Variants in OR6C6 observed in about 807,000 individuals in gnomAD.
OR6C6 encodes the protein olfactory receptor 6C6.
For synonymous variants in OR6C6, 140 were observed against 135.2 expected (o/e 1.04, Z -0.25); for missense variants, 411 against 366.8 (o/e 1.12, Z -0.98).
rs1276465344 is a variant in OR6C6 at position 55,296,408 on chromosome 12, C to T, written c.-115G>A. 6.6e-6 allele frequency: 1 copy of T among 151,906 alleles called. No homozygotes were observed. Among genetic ancestry groups the T allele is most frequent in the Non-Finnish European group, 1.5e-5 (1 of 67,888 alleles). 9.4% of individuals were successfully genotyped at this position (151,906 alleles called of 1,614,324 possible). A position where few individuals can be genotyped will look rare whatever the true frequency, so the allele number is the denominator to read the frequency against. ...GTGACAATTCTACTCATTTTATGAC[C>T]ACATTTTATTATCCAATAGGCACAT... On this transcript the variant is annotated 5_prime_UTR_variant, in exon 1 of 2. It introduces an in-frame stop codon into an upstream open reading frame of the 5' UTR. Coordinates refer to ENST00000358433, the MANE Select transcript of OR6C6 (RefSeq NM_001005493.2).
At position 55,296,564 on chromosome 12, in the gene OR6C6, T is replaced by G. The variant is rs1486643212; in HGVS notation, c.-271A>C. 1.3e-5 allele frequency: 2 copies of G among 152,018 alleles called. No individual in the cohort carries two copies. The highest frequency in any genetic ancestry group is 4.8e-5 in the African/African-American group (2 of 41,430). The allele number at this position is 152,018 out of a possible 1,614,324, so 9.4% of individuals were successfully genotyped here. A position where few individuals can be genotyped will look rare whatever the true frequency, so the allele number is the denominator to read the frequency against. Reference sequence around the variant, plus strand: ...CAGATATTAATAATTTTAATGGACATCTATCTTTCATTCCAAGTAACTTAA... The same window carrying G: ...CAGATATTAATAATTTTAATGGACAGCTATCTTTCATTCCAAGTAACTTAA... On this transcript the variant is annotated 5_prime_UTR_variant, in exon 1 of 2. An upstream start codon of the reference 5' UTR is lost. Coordinates refer to ENST00000358433, the MANE Select transcript of OR6C6 (RefSeq NM_001005493.2).
chr12:55,295,517 A>G (rs959243340), intron 1 of OR6C6, among the ~76,000 whole-genome samples: 4 of 152,022 alleles, frequency 2.6e-5, no homozygotes, highest in Non-Finnish European at 5.9e-5. Flanking sequence ...TTAGCTTATC[A>G]CTGTCAGATG....
At position 55,294,165 on chromosome 12, in the gene OR6C6, C is replaced by T. The variant is rs1954569602; in HGVS notation, c.*123G>A. 11 of 612,488 alleles carry T rather than the reference C, an allele frequency of 1.8e-5. No homozygotes were observed. The highest frequency in any genetic ancestry group is 2.9e-5 in the Non-Finnish European group (10 of 346,972). The allele number at this position is 612,488 out of a possible 1,614,324, so 37.9% of individuals were successfully genotyped here. ...TTCACCATGTTGGCCAGGCTGGTCT[C>T]GAACTCCTGACCTCAGGTAACCACC... On this transcript the variant is annotated 3_prime_UTR_variant, in exon 2 of 2. Coordinates refer to ENST00000358433, the MANE Select transcript of OR6C6 (RefSeq NM_001005493.2).
chr12:55,296,508 C>G lies in OR6C6; in HGVS notation c.-215G>C, dbSNP rs1159692884. 6.6e-6 allele frequency: 1 copy of G among 151,974 alleles called. No homozygotes were observed. The highest frequency in any genetic ancestry group is 2.4e-5 in the African/African-American group (1 of 41,418). 9.4% of individuals were successfully genotyped at this position (151,974 alleles called of 1,614,324 possible). On this transcript the variant is annotated 5_prime_UTR_variant, in exon 1 of 2. Coordinates refer to ENST00000358433, the MANE Select transcript of OR6C6 (RefSeq NM_001005493.2). ...TCTGTAGAGAATTTCCACATTTCCT[C>G]AACTTCATCCTCACTATAAAGATTG...
rs1326639509 is a variant in OR6C6 at position 55,294,602 on chromosome 12, A to G, written c.631T>C (p.Leu211=). Residue 211 remains leucine (L), a synonymous_variant, in exon 2 of 2, where the codon TTA becomes CTA. Coordinates refer to ENST00000358433, the MANE Select transcript of OR6C6 (RefSeq NM_001005493.2). ...AVVTLVVTLV[L]VILSYTCIIK... ...ATGCAAGTGTAAGAGAGAATCACTAATACCAGTGTGACCACAAGTGTCACC... is the reference window on the plus strand; with the variant it reads ...ATGCAAGTGTAAGAGAGAATCACTAGTACCAGTGTGACCACAAGTGTCACC... 1 of 1,614,122 alleles carries G rather than the reference A, an allele frequency of 6.2e-7. No individual in the cohort carries two copies. Among genetic ancestry groups the G allele is most frequent in the Admixed American group, 1.7e-5 (1 of 59,998 alleles).
At chr12:55,295,976 G>A (rs957998605) in intron 1 of OR6C6, among the ~76,000 whole-genome samples, 1 of 151,620 alleles carries the variant, frequency 6.6e-6, no homozygotes, top group African/African-American at 2.4e-5. Flanking sequence ...CATAATTTCG[G>A]CTATTTTTTA....
rs1203248150 is a variant in OR6C6, at chr12:55,294,550, G to T, written c.683C>A (p.Ser228Tyr). 2 of 1,613,900 alleles carry T rather than the reference G, an allele frequency of 1.2e-6. No individual in the cohort carries two copies. Among genetic ancestry groups the T allele is most frequent in the Non-Finnish European group, 1.7e-6 (2 of 1,179,954 alleles). The change falls in exon 2 of 2, where the codon TCT (serine) becomes TAT (tyrosine). Residue 228 changes from serine (S) to tyrosine (Y), a missense_variant. Transcript: ENST00000358433. Reference sequence around the variant, plus strand: ...AAATGCTTTGTTCCTTTGCTGTGCAGAAGAGAATTTCAGAATGGTCTTAAT... The same window carrying T: ...AAATGCTTTGTTCCTTTGCTGTGCATAAGAGAATTTCAGAATGGTCTTAAT... ...CIIKTILKFS[S>Y]AQQRNKAFST...
chr12:55,295,293 AT>A, intron 1 of OR6C6, 36 bp from the exon 2 acceptor site: 4 of 806,324 alleles, frequency 5.0e-6, no homozygotes, highest in Non-Finnish European at 7.8e-6. Context: ...TTATACATAT[AT>A]ATACATATAT....
chr12:55,296,398 A>C lies in OR6C6; in HGVS notation c.-105T>G, dbSNP rs151272524. The stretch of plus-strand genomic sequence containing the variant: ...AACATAATTAGTGACAATTCTACTC[A>C]TTTTATGACCACATTTTATTATCCA... On this transcript the variant is annotated 5_prime_UTR_variant, in exon 1 of 2. An upstream start codon of the reference 5' UTR is lost. Transcript: ENST00000358433. The C allele has an allele frequency of 2.6e-5, 4 of 152,086 alleles. No homozygotes were observed. Among genetic ancestry groups the C allele is most frequent in the Non-Finnish European group, 5.9e-5 (4 of 67,922 alleles). The allele number at this position is 152,086 out of a possible 1,614,324, so 9.4% of individuals were successfully genotyped here. A position where few individuals can be genotyped will look rare whatever the true frequency, so the allele number is the denominator to read the frequency against.
In OR6C6 at chr12:55,295,122, CAGGCTCAAG is replaced by C; in HGVS notation, c.102_110del (p.Leu35_Leu37del). On this transcript the variant is annotated inframe_deletion, in exon 2 of 2. Transcript: ENST00000358433. Reference sequence around the variant, plus strand: ...GGATGATGATGATTAAGTTCCCCATCAGGCTCAAGGTGTAGTTGAGAAATAGAAACAGGA... The same window carrying C: ...GGATGATGATGATTAAGTTCCCCATCGTGTAGTTGAGAAATAGAAACAGGA... 1 of 1,613,896 alleles carries C rather than the reference CAGGCTCAAG, an allele frequency of 6.2e-7. No homozygotes were observed. Among genetic ancestry groups the C allele is most frequent in the African/African-American group, 1.3e-5 (1 of 75,030 alleles).
In OR6C6 at chr12:55,294,648, C is replaced by T; in HGVS notation, c.585G>A (p.Leu195=). ...ISCTDTHVLE[L]MSFTLAVVTL... ...TCACCACAGCTAAGGTAAAAGACAT[C>T]AATTCTAGGACATGGGTATCTGTGC... is the stretch of plus-strand genomic sequence containing the variant. Residue 195 remains leucine (L), a synonymous_variant, in exon 2 of 2, where the codon TTG becomes TTA. Coordinates refer to ENST00000358433, the MANE Select transcript of OR6C6 (RefSeq NM_001005493.2). The T allele has an allele frequency of 6.2e-7, 1 of 1,613,940 alleles. No individual in the cohort carries two copies. Among genetic ancestry groups the T allele is most frequent in the East Asian group, 2.2e-5 (1 of 44,862 alleles).
Position 55,294,404 on chromosome 12 carries a change from T to C in OR6C6, c.829A>G (p.Thr277Ala). 9 of 1,613,236 alleles carry C rather than the reference T, an allele frequency of 5.6e-6. No homozygotes were observed. The highest frequency in any genetic ancestry group is 6.8e-6 in the Non-Finnish European group (8 of 1,179,232). The change falls in exon 2 of 2, where the codon ACC (threonine) becomes GCC (alanine). Residue 277 changes from threonine (T) to alanine (A), a missense_variant. By Grantham distance (58) the Thr-to-Ala change is moderately conservative. Transcript: ENST00000358433. ...TVSKGVALLY[T>A]SIAPLLNPFI... ...GGATTTAGTAAAGGGGCAATTGAGG[T>C]ATAGAGCAAAGCTACACCTTTGGAT...
chr12:55,296,044 T>A (rs912030944), intron 1 of OR6C6, among the ~76,000 whole-genome samples: 1 of 144,730 alleles, frequency 6.9e-6, no homozygotes, highest in Non-Finnish European at 1.5e-5. Flanking sequence ...TTACTTTCTA[T>A]CCTTTCTACA....
At position 55,294,901 on chromosome 12, in the gene OR6C6, T is replaced by C. The variant is rs760280603; in HGVS notation, c.332A>G (p.Tyr111Cys). The C allele has an allele frequency of 6.2e-7, 1 of 1,613,944 alleles. No individual in the cohort carries two copies. Among genetic ancestry groups the C allele is most frequent in the South Asian group, 1.1e-5 (1 of 91,070 alleles). Reference protein sequence around the residue: ...FILLPGVTEFYLLAAMSYDRY... With the variant: ...FILLPGVTEFCLLAAMSYDRY... ...GTCATAGGACATGGCAGCCAGGAGG[T>C]AAAACTCAGTAACTCCCGGTAAAAG... Residue 111 changes from tyrosine (Y) to cysteine (C), a missense_variant, in exon 2 of 2, where the codon TAC becomes TGC. Tyr to Cys is a radical substitution (Grantham distance 194). Transcript: ENST00000358433.
At position 55,294,735 on chromosome 12, in the gene OR6C6, A is replaced by G. The variant is rs781318586; in HGVS notation, c.498T>C (p.Phe166=). The G allele has an allele frequency of 6.2e-6, 10 of 1,614,098 alleles. No homozygotes were observed. The highest frequency in any genetic ancestry group is 8.5e-6 in the Non-Finnish European group (10 of 1,180,010). ...AGTGGTCAATAGTTTTGGAAGCACA[A>G]AAATCCAGCTTGAGTCCCATGACCA... The part of the protein sequence containing the change: ...PPLVMGLKLD[F]CASKTIDHFM... The change falls in exon 2 of 2, where the codon TTT becomes TTC. Residue 166 remains phenylalanine (F), a synonymous_variant. Coordinates refer to ENST00000358433, the MANE Select transcript of OR6C6 (RefSeq NM_001005493.2).
rs927458500 is a variant in OR6C6, at chr12:55,295,260, A to C, written c.-25-3T>G. 19 of 1,445,514 alleles carry C rather than the reference A, an allele frequency of 1.3e-5. No individual in the cohort carries two copies. Among genetic ancestry groups the C allele is most frequent in the Non-Finnish European group, 1.7e-5 (18 of 1,059,492 alleles). The allele number at this position is 1,445,514 out of a possible 1,614,324, so 89.5% of individuals were successfully genotyped here. On this transcript the variant is annotated splice_region_variant and splice_polypyrimidine_tract_variant and intron_variant, in intron 1 of 1. Transcript: ENST00000358433. ...CTCTTTTGTGATCCTTATCAAATCT[A>C]CATAGAAAGGGAAAAACAAAATTTA...
rs1868250398 is a variant in OR6C6 at position 55,295,224 on chromosome 12, GTTC to G, written c.6_8del (p.Lys2del). 2 of 1,588,246 alleles carry G rather than the reference GTTC, an allele frequency of 1.3e-6. No homozygotes were observed. Among genetic ancestry groups the G allele is most frequent in the Middle Eastern group, 1.7e-4 (1 of 5,968 alleles). On this transcript the variant is annotated inframe_deletion, in exon 2 of 2. Transcript: ENST00000358433. The stretch of plus-strand genomic sequence containing the variant: ...GAATGAACTCTATTTCCATTGATTT[GTTC>G]TTCATTTCTCTTTTGTGATCCTTAT...
rs1297491080 is a variant in OR6C6, at chr12:55,295,005, A to AATAC, written c.224_227dup (p.Ile76MetfsTer4). 4 of 1,613,460 alleles carry AATAC rather than the reference A, an allele frequency of 2.5e-6. No homozygotes were observed. The highest frequency in any genetic ancestry group is 2.5e-6 in the Non-Finnish European group (3 of 1,179,522). On this transcript the variant is annotated frameshift_variant, in exon 2 of 2. Transcript: ENST00000358433. LOFTEE classifies it low-confidence loss of function (END_TRUNC). ...TCACAATGGTTATCAAGAATCTAGG[A>AATAC]ATACACACTGTTGTGAATATTACTT...
Position 55,294,683 on chromosome 12 carries a change from G to T in OR6C6, c.550C>A (p.Gln184Lys). The T allele has an allele frequency of 6.2e-7, 1 of 1,614,116 alleles. No homozygotes were observed. The highest frequency in any genetic ancestry group is 1.6e-4 in the Middle Eastern group (1 of 6,062). The change falls in exon 2 of 2, where the codon CAG becomes AAG. Residue 184 changes from glutamine to lysine, a missense_variant. By Grantham distance (53) the Gln-to-Lys change is moderately conservative. Transcript: ENST00000358433. ...HFMCETSPILQISCTDTHVLE... is the reference protein window; with the variant it reads ...HFMCETSPILKISCTDTHVLE... ...ACATGGGTATCTGTGCAGGAGATCT[G>T]CAGAATAGGAGAAGTTTCACACATA...
Sources: gnomAD v4.1 joint callset for allele counts (sites outside exome capture counted in the v4.1 genomes callset) on GRCh38, gnomAD v4.1.1 for gene constraint, MANE v1.5 for transcripts, NCBI Gene and HGNC (gene_info 2026-07-23, HGNC 2026-07-21) for gene names.